The following REEP3 variants were observed in gnomAD, a reference collection of about 807,000 sequenced individuals.
The protein encoded by REEP3 is receptor expression-enhancing protein 3.
Under a neutral mutation model 41.3 loss-of-function variants are expected in REEP3, and 20 were observed. The observed-to-expected ratio is 0.48, with a 90% CI of 0.34 to 0.70. The LOEUF is 0.70. Ranked by LOEUF, REEP3 falls within the 30% of genes least tolerant of loss-of-function variation. REEP3 has a pLI of 0.01. For missense variants in REEP3, 271 were observed against 308.8 expected (o/e 0.88, Z 0.92); for synonymous variants, 104 against 101.8 (o/e 1.02, Z -0.13).
chr10:63,616,874 TA>T (rs1956316214), intron 6 of REEP3, among the ~76,000 whole-genome samples: 1 of 152,176 alleles, frequency 6.6e-6, no homozygotes, highest in Admixed American at 6.5e-5. Context: ...AAACATTTTT[TA>T]AAAATAAGAA....
intron 1 of REEP3, among the ~76,000 whole-genome samples, chr10:63,549,591 C>T (rs1467038470): frequency 1.3e-5 from 2 of 152,158 alleles, no homozygotes; most frequent in Non-Finnish European, 2.9e-5. Flanking sequence ...ATCTAAGTAA[C>T]TTTGGAAATG....
chr10:63,555,736 A>T (rs1351656331), intron 1 of REEP3, among the ~76,000 whole-genome samples: 1 of 152,210 alleles, frequency 6.6e-6, no homozygotes, highest in Non-Finnish European at 1.5e-5. Flanking sequence ...GCTTAATCAT[A>T]ATCAGTTTTA....
chr10:63,541,335 TAGG>T (rs1955526401), intron 1 of REEP3, among the ~76,000 whole-genome samples: 1 of 152,184 alleles, frequency 6.6e-6, no homozygotes, highest in Non-Finnish European at 1.5e-5. Context: ...AAGTTATTTC[TAGG>T]AGGATAGGGG....
intron 2 of REEP3, among the ~76,000 whole-genome samples, chr10:63,571,136 G>T (rs960950977): frequency 6.6e-6 from 1 of 151,960 alleles, no homozygotes; most frequent in Non-Finnish European, 1.5e-5. Context: ...TGGGATCAGG[G>T]GGAGGCTGCT....
In REEP3 at chr10:63,598,158, A is replaced by G; in HGVS notation, c.303+14A>G. On this transcript the variant is annotated intron_variant, in intron 4 of 7. Coordinates refer to ENST00000373758, the MANE Select transcript of REEP3 (RefSeq NM_001001330.3). ...TCAAAGGAAAGGGTAAGATATATAA[A>G]TTACTTCCGTAAATAATTTTTTAGA... 2 of 1,551,020 alleles carry G rather than the reference A, an allele frequency of 1.3e-6. No homozygotes were observed. The highest frequency in any genetic ancestry group is 1.8e-6 in the Non-Finnish European group (2 of 1,132,524).
chr10:63,536,410 ATCTC>A (rs1342863131), intron 1 of REEP3, among the ~76,000 whole-genome samples: 4 of 152,194 alleles, frequency 2.6e-5, no homozygotes, highest in Non-Finnish European at 5.9e-5. Flanking sequence ...TAATAATTTT[ATCTC>A]TCTCTATGTG....
intron 5 of REEP3, chr10:63,606,200 G>A (rs1030016544): frequency 2.1e-5 from 10 of 476,050 alleles, no homozygotes; most frequent in African/African-American, 2.4e-5. Flanking sequence ...TGGTAATCCC[G>A]CCTTTCCTCT....
intron 6 of REEP3, among the ~76,000 whole-genome samples, chr10:63,616,355 C>T (rs540621553): frequency 1.3e-5 from 2 of 152,248 alleles, no homozygotes; most frequent in African/African-American, 2.4e-5. Flanking sequence ...TGCCCATTAC[C>T]GTCTGTTTCC....
At chr10:63,557,500 G>T (rs568440128) in intron 1 of REEP3, among the ~76,000 whole-genome samples, 49 of 152,110 alleles carry the variant, frequency 3.2e-4, no homozygotes, top group African/African-American at 1.0e-3. Flanking sequence ...TTTGCTTAGC[G>T]TTTTCTTCCT....
At chr10:63,535,100 A>G (rs1462423730) in intron 1 of REEP3, among the ~76,000 whole-genome samples, 1 of 152,182 alleles carries the variant, frequency 6.6e-6, no homozygotes, top group Non-Finnish European at 1.5e-5. Flanking sequence ...AATAATTTTT[A>G]AAGATTAGAA....
chr10:63,522,790 G>A (rs542963350), intron 1 of REEP3, among the ~76,000 whole-genome samples: 74 of 152,270 alleles, frequency 4.9e-4, no homozygotes, highest in Middle Eastern at 6.8e-3. Context: ...AAAGTTTCTA[G>A]TTTTAAAGCC....
chr10:63,541,319 C>A (rs1955526330), intron 1 of REEP3, among the ~76,000 whole-genome samples: 1 of 152,100 alleles, frequency 6.6e-6, no homozygotes, highest in Non-Finnish European at 1.5e-5. Context: ...TGACCTTAAC[C>A]TTTAAAAGTT....
intron 1 of REEP3, among the ~76,000 whole-genome samples, chr10:63,542,570 A>G (rs1955538481): frequency 1.3e-5 from 2 of 152,246 alleles, no homozygotes. Context: ...TTTTGTATCA[A>G]CTATACAAAT....
chr10:63,574,426 C>G (rs7067748), intron 2 of REEP3, among the ~76,000 whole-genome samples: 151,899 of 152,330 alleles, frequency 1, 75,735 homozygotes, highest in Non-Finnish European at 1. Flanking sequence ...ATTACTAGCT[C>G]TACCTTTGGA....
At position 63,610,306 on chromosome 10, in the gene REEP3, A is replaced by G; in HGVS notation, c.537A>G (p.Lys179=). ...AACCTCTACCAGAAGCAAAAAAGAA[A>G]AGTAAACCAGCCCCCAGTGAATCAG... ...PYQPLPEAKK[K]SKPAPSESAG... Residue 179 remains lysine (K), a synonymous_variant, in exon 6 of 8, where the codon AAA becomes AAG. Transcript: ENST00000373758. The G allele has an allele frequency of 6.4e-7, 1 of 1,561,610 alleles. No individual in the cohort carries two copies. The highest frequency in any genetic ancestry group is 1.2e-5 in the South Asian group (1 of 85,026).
chr10:63,622,567 A>T lies in REEP3; in HGVS notation c.*1698A>T, dbSNP rs1956361925. On this transcript the variant is annotated 3_prime_UTR_variant, in exon 8 of 8. Coordinates refer to ENST00000373758, the MANE Select transcript of REEP3 (RefSeq NM_001001330.3). The stretch of plus-strand genomic sequence containing the variant: ...ATCGGAACAGAGTTTTATTTATATG[A>T]CCTGGTACTAGACTTCTTAATATAA... The T allele has an allele frequency of 6.6e-6, 1 of 152,044 alleles. No homozygotes were observed. The highest frequency in any genetic ancestry group is 6.5e-5 in the Admixed American group (1 of 15,272). The allele number at this position is 152,044 out of a possible 1,614,324, so 9.4% of individuals were successfully genotyped here. A position where few individuals can be genotyped will look rare whatever the true frequency, so the allele number is the denominator to read the frequency against.
At chr10:63,539,281 A>G (rs557493557) in intron 1 of REEP3, among the ~76,000 whole-genome samples, 2 of 152,130 alleles carry the variant, frequency 1.3e-5, no homozygotes, top group Non-Finnish European at 2.9e-5. Flanking sequence ...GGTAACATTT[A>G]ATCTGTCAAA....
At chr10:63,617,448 AT>A (rs1204296409) in intron 6 of REEP3, among the ~76,000 whole-genome samples, 30 of 152,306 alleles carry the variant, frequency 2.0e-4, no homozygotes, top group African/African-American at 6.3e-4. Flanking sequence ...GAAACAGGCT[AT>A]AATGCAGTGG....
At chr10:63,604,367 G>A (rs1041409353) in intron 5 of REEP3, among the ~76,000 whole-genome samples, 3 of 152,156 alleles carry the variant, frequency 2.0e-5, no homozygotes, top group African/African-American at 7.2e-5. Flanking sequence ...AGGTGGTTTC[G>A]TGCAGATGAG....
Sources: allele counts gnomAD v4.1 joint callset (sites outside exome capture counted in the v4.1 genomes callset), GRCh38; gene constraint gnomAD v4.1.1; transcripts MANE v1.5; gene names NCBI Gene and HGNC (gene_info 2026-07-23, HGNC 2026-07-21).